TMEM74: variants seen among roughly 807,000 people sequenced by gnomAD.
TMEM74 encodes the protein transmembrane protein 74.
TMEM74 carries 13 observed loss-of-function variants against 18.1 expected under a neutral mutation model. That is an observed-to-expected ratio of 0.72 (90% CI 0.47 to 1.14). The LOEUF (loss-of-function observed/expected upper bound fraction) is 1.14. Among genes scored for constraint, TMEM74 ranks in the 50% most tolerant of loss-of-function variants. The pLI is 0.00. For missense variants in TMEM74, 372 were observed against 375.9 expected (o/e 0.99, Z 0.09); for synonymous variants, 159 against 146.6 (o/e 1.08, Z -0.61).
At chr8:108,630,392 A>T (rs1019298996) in intron 2 of TMEM74, among the ~76,000 whole-genome samples, 2 of 152,054 alleles carry the variant, frequency 1.3e-5, no homozygotes, top group Non-Finnish European at 2.9e-5. Flanking sequence ...AGACTTTAAC[A>T]CCCCAATGTC....
intron 1 of TMEM74, among the ~76,000 whole-genome samples, chr8:108,762,789 C>G (rs574468015): frequency 3.9e-5 from 6 of 152,182 alleles, no homozygotes; most frequent in African/African-American, 1.4e-4. Flanking sequence ...CTCTGCTACT[C>G]AGGAGGCTGA....
At chr8:108,710,456 G>T (rs549581966) in intron 1 of TMEM74, among the ~76,000 whole-genome samples, 3 of 152,312 alleles carry the variant, frequency 2.0e-5, no homozygotes, top group African/African-American at 7.2e-5. Flanking sequence ...TCCTTGTCAG[G>T]TTCACAACTA....
chr8:108,657,883 TATATATATATATATATATATTAATTAC>T (rs1812859508), intron 1 of TMEM74, among the ~76,000 whole-genome samples: 5 of 113,828 alleles, frequency 4.4e-5, no homozygotes. Context: ...TATATATATA[TATATATATATATATATATATTAATTAC>T]ATATATATAT....
intron 1 of TMEM74, among the ~76,000 whole-genome samples, chr8:108,745,914 C>T (rs1026909937): frequency 2.6e-5 from 4 of 152,068 alleles, no homozygotes; most frequent in African/African-American, 4.8e-5. Context: ...ATCTAATTAC[C>T]GGTGCATACA....
chr8:108,785,181 A>G, intron 1 of TMEM74, 44 bp from the exon 2 acceptor site: 1 of 1,436,874 alleles, frequency 7.0e-7, no homozygotes, highest in Non-Finnish European at 9.3e-7. Flanking sequence ...ACAGAAGCTA[A>G]GGTTGTACTT....
intron 2 of TMEM74, among the ~76,000 whole-genome samples, chr8:108,646,329 A>T (rs1177786289): frequency 2.0e-5 from 3 of 152,120 alleles, no homozygotes; most frequent in African/African-American, 7.2e-5. Flanking sequence ...TAATTATATA[A>T]CCTTAGACAA....
chr8:108,738,078 C>T (rs1197532550), intron 1 of TMEM74, among the ~76,000 whole-genome samples: 2 of 152,116 alleles, frequency 1.3e-5, no homozygotes, highest in Admixed American at 6.5e-5. Context: ...CTGTGCTTAT[C>T]TTCTTTTCAT....
At chr8:108,718,973 T>TATATATAC (rs1491025246) in intron 1 of TMEM74, among the ~76,000 whole-genome samples, 2 of 20,822 alleles carry the variant, frequency 9.6e-5, no homozygotes, top group Non-Finnish European at 1.8e-4. Flanking sequence ...TGTGTGTGTA[T>TATATATAC]ATATATATAC....
rs560461761 is a variant in TMEM74 at position 108,669,163 on chromosome 8, C to A, written n.120-13726G>T. On this transcript the variant is annotated intron_variant and non_coding_transcript_variant, in intron 1 of 3. Coordinates refer to the TMEM74 transcript ENST00000518838. ...CAATACTTAGGGGACTTATAGATCT[C>A]TCTCGTTTTTCAGGTTATGTTTCAG... Among the ~76,000 whole-genome samples the A allele has an allele frequency of 4.6e-5, 7 of 152,182 alleles. 1 individual carries two copies. In the Middle Eastern group the frequency reaches 0.014, roughly 296 times the overall value.
chr8:108,656,504 A>G (rs1317225837), intron 1 of TMEM74, among the ~76,000 whole-genome samples: 2 of 152,192 alleles, frequency 1.3e-5, no homozygotes, highest in Non-Finnish European at 2.9e-5. Flanking sequence ...TCTTCACTAT[A>G]TGTAACCTCA....
At chr8:108,678,378 T>G (rs1813075484) in intron 1 of TMEM74, among the ~76,000 whole-genome samples, 2 of 152,230 alleles carry the variant, frequency 1.3e-5, no homozygotes, top group South Asian at 4.2e-4. Flanking sequence ...TTATTTTTAG[T>G]TTTTGAGATG....
chr8:108,624,111 C>G (rs1422599030), intron 2 of TMEM74, among the ~76,000 whole-genome samples: 2 of 152,042 alleles, frequency 1.3e-5, no homozygotes, highest in Non-Finnish European at 2.9e-5. Flanking sequence ...AGCACCCTAC[C>G]CAATGAATTG....
chr8:108,706,776 GGTGTGTGTGTGTGTGTGTGT>G (rs3049749), intron 1 of TMEM74, among the ~76,000 whole-genome samples: 2 of 144,870 alleles, frequency 1.4e-5, no homozygotes, highest in Non-Finnish European at 3.0e-5. Context: ...AATTACAAGG[GGTGTGTGTGTGTGTGTGTGT>G]GTGTGTGTGT....
chr8:108,764,501 A>C (rs896725760), intron 1 of TMEM74, among the ~76,000 whole-genome samples: 2 of 152,194 alleles, frequency 1.3e-5, no homozygotes, highest in Non-Finnish European at 2.9e-5. Flanking sequence ...CCTGGATGCC[A>C]TGTACATTTT....
intron 1 of TMEM74, among the ~76,000 whole-genome samples, chr8:108,693,492 G>C (rs1813250456): frequency 6.6e-6 from 1 of 152,148 alleles, no homozygotes; most frequent in Non-Finnish European, 1.5e-5. Flanking sequence ...ATGATGAAAG[G>C]GCAAAAACGG....
chr8:108,729,146 A>T (rs10096640), intron 1 of TMEM74, among the ~76,000 whole-genome samples: 9,398 of 152,260 alleles, frequency 0.062, 805 homozygotes, highest in African/African-American at 0.19. Flanking sequence ...TACTGAAGGC[A>T]AAGGGAAAAA....
chr8:108,675,213 G>A (rs1192344829), intron 1 of TMEM74, among the ~76,000 whole-genome samples: 1 of 152,152 alleles, frequency 6.6e-6, no homozygotes, highest in Admixed American at 6.6e-5. Context: ...TGTTTATGGT[G>A]TCATCTCCCC....
At chr8:108,620,348 C>T (rs1029526378) in intron 2 of TMEM74, among the ~76,000 whole-genome samples, 3 of 152,068 alleles carry the variant, frequency 2.0e-5, no homozygotes, top group South Asian at 2.1e-4. Flanking sequence ...TATCTCTGCA[C>T]GTGTAAGATT....
chr8:108,644,232 G>A (rs1355225221), intron 2 of TMEM74, among the ~76,000 whole-genome samples: 2 of 152,084 alleles, frequency 1.3e-5, no homozygotes, highest in Non-Finnish European at 2.9e-5. Context: ...TGACAAGGTC[G>A]ACAAAAACAA....
Sources: gnomAD v4.1 joint callset for allele counts (sites outside exome capture counted in the v4.1 genomes callset) on GRCh38, gnomAD v4.1.1 for gene constraint, MANE v1.5 for transcripts, NCBI Gene and HGNC (gene_info 2026-07-23, HGNC 2026-07-21) for gene names.